The following AFF3 variants were observed in gnomAD, a reference collection of about 807,000 sequenced individuals.
AFF3 encodes ALF transcription elongation factor 3.
A neutral mutation model predicts 129.7 loss-of-function variants in AFF3; 32 were observed. The ratio of observed to expected loss-of-function variants is 0.25; its 90% CI spans 0.19 to 0.33. The LOEUF (loss-of-function observed/expected upper bound fraction) is 0.33. AFF3 is among the 10% of genes least tolerant of loss of function. AFF3 has a pLI of 1.00. For missense variants in AFF3, 1,373 were observed against 1,592.0 expected, an observed-to-expected ratio of 0.86 and a Z score of 2.34; for synonymous variants, 644 against 635.4, an observed-to-expected ratio of 1.01 and a Z score of -0.20.
chr2:99,673,294 A>G (rs1318870379), intron 11 of AFF3, among the ~76,000 whole-genome samples: 1 of 152,064 alleles, frequency 6.6e-6, no homozygotes, highest in Non-Finnish European at 1.5e-5. Flanking sequence ...CCAAGATCCT[A>G]CCTAGTGGGG....
At chr2:99,653,130 T>C (rs768930839) in intron 12 of AFF3, among the ~76,000 whole-genome samples, 1 of 152,240 alleles carries the variant, frequency 6.6e-6, no homozygotes, top group Non-Finnish European at 1.5e-5. Flanking sequence ...CTCAGCAAGA[T>C]GGCTTTCGCT....
intron 7 of AFF3, among the ~76,000 whole-genome samples, chr2:100,003,981 A>T (rs1350733573): frequency 1.3e-5 from 1 of 79,222 alleles, no homozygotes; most frequent in African/African-American, 1.1e-4. Context: ...ATCTTACACT[A>T]AAAAAAAAAA....
intron 14 of AFF3, among the ~76,000 whole-genome samples, chr2:99,599,695 CACAA>C (rs1314718533): frequency 6.6e-6 from 1 of 152,212 alleles, no homozygotes; most frequent in Non-Finnish European, 1.5e-5. Context: ...TCTTCACAGA[CACAA>C]ACAGTTTTTG....
At position 99,549,616 on chromosome 2, in the gene AFF3, C is replaced by G. The variant is rs192236125; in HGVS notation, c.*1858G>C. On this transcript the variant is annotated 3_prime_UTR_variant, in exon 25 of 25. Coordinates refer to ENST00000672756, the MANE Select transcript of AFF3 (RefSeq NM_001386135.1). Reference sequence around the variant, plus strand: ...AAGTGAAAGGGTTGTAAGAAGCACCCCAGTTGGAGACATGTAAAATGGAAA... The same window carrying G: ...AAGTGAAAGGGTTGTAAGAAGCACCGCAGTTGGAGACATGTAAAATGGAAA... The G allele has an allele frequency of 9.9e-6, 2 of 202,968 alleles. No homozygotes were observed. Among genetic ancestry groups the G allele is most frequent in the African/African-American group, 4.6e-5 (2 of 43,794 alleles). The allele number at this position is 202,968 out of a possible 1,614,324, so 12.6% of individuals were successfully genotyped here.
intron 11 of AFF3, among the ~76,000 whole-genome samples, chr2:99,725,906 A>G (rs1679327522): frequency 6.6e-6 from 1 of 152,212 alleles, no homozygotes; most frequent in Non-Finnish European, 1.5e-5. Context: ...TTCTGGTTGC[A>G]TGAATTTTTA....
chr2:100,023,906 G>A (rs774527074), intron 4 of AFF3, among the ~76,000 whole-genome samples: 1 of 152,184 alleles, frequency 6.6e-6, no homozygotes, highest in Non-Finnish European at 1.5e-5. Context: ...ACCAGCAATA[G>A]CATATTTAGG....
At chr2:99,856,258 A>C (rs1019026272) in intron 7 of AFF3, among the ~76,000 whole-genome samples, 1 of 152,230 alleles carries the variant, frequency 6.6e-6, no homozygotes, top group Non-Finnish European at 1.5e-5. Context: ...ATACTAATAT[A>C]AGATGTTAAC....
chr2:99,598,979 C>T (rs750929623), intron 14 of AFF3, among the ~76,000 whole-genome samples: 6 of 152,362 alleles, frequency 3.9e-5, no homozygotes, highest in South Asian at 2.1e-4. Context: ...AAAGAACGAA[C>T]GTGCAGCCTG....
chr2:99,773,284 C>G (rs1267359856), intron 8 of AFF3, among the ~76,000 whole-genome samples: 1 of 152,196 alleles, frequency 6.6e-6, no homozygotes, highest in Non-Finnish European at 1.5e-5. Flanking sequence ...CAGTGTCAAG[C>G]TTAGCCAGGT....
intron 7 of AFF3, among the ~76,000 whole-genome samples, chr2:99,913,580 C>T (rs1695252261): frequency 2.0e-5 from 3 of 152,194 alleles, no homozygotes; most frequent in Admixed American, 2.0e-4. Context: ...ACACACAACA[C>T]TTAAGTAGTA....
At chr2:100,030,338 C>A (rs889019210) in intron 4 of AFF3, among the ~76,000 whole-genome samples, 3 of 151,980 alleles carry the variant, frequency 2.0e-5, no homozygotes, top group African/African-American at 7.2e-5. Context: ...AACGAGATAC[C>A]GCTACACACC....
intron 8 of AFF3, among the ~76,000 whole-genome samples, chr2:99,813,062 C>T (rs1016241609): frequency 4.6e-5 from 7 of 151,988 alleles, no homozygotes; most frequent in Non-Finnish European, 8.8e-5. Flanking sequence ...CAGGAAATAC[C>T]GACACAGTTT....
intron 20 of AFF3, among the ~76,000 whole-genome samples, 194 bp from the exon 21 acceptor site, chr2:99,560,630 C>G (rs756225583): frequency 6.6e-6 from 1 of 152,210 alleles, no homozygotes; most frequent in Non-Finnish European, 1.5e-5. Context: ...TATTACATTA[C>G]TGTGATGACT....
intron 7 of AFF3, among the ~76,000 whole-genome samples, chr2:99,970,657 A>T (rs144070168): frequency 1.2e-4 from 19 of 152,192 alleles, no homozygotes; most frequent in African/African-American, 4.6e-4. Context: ...CCCTTCCTGC[A>T]CGTCCAAGCC....
At chr2:100,133,426 C>T (rs954153128) in intron 1 of AFF3, among the ~76,000 whole-genome samples, 3 of 152,010 alleles carry the variant, frequency 2.0e-5, no homozygotes, top group Admixed American at 6.5e-5. Context: ...AGTCATACTA[C>T]ACATACTACT....
chr2:99,962,944 A>G lies in AFF3; in HGVS notation c.873+43688T>C, dbSNP rs527338121. Among the ~76,000 whole-genome samples the G allele has an allele frequency of 1.1e-4, 16 of 151,238 alleles. No individual in the cohort carries two copies. In the South Asian group the frequency reaches 3.3e-3, roughly 32 times the overall value. ...AAGAAATAAACTCACAGATTGACGAAATCCAAATAGGATAAACAAACCCAA... is the reference window on the plus strand; with the variant it reads ...AAGAAATAAACTCACAGATTGACGAGATCCAAATAGGATAAACAAACCCAA... On this transcript the variant is annotated intron_variant, in intron 7 of 24. Coordinates refer to ENST00000672756, the MANE Select transcript of AFF3 (RefSeq NM_001386135.1).
intron 8 of AFF3, among the ~76,000 whole-genome samples, chr2:99,819,073 T>C (rs1250297431): frequency 6.6e-6 from 1 of 152,248 alleles, no homozygotes; most frequent in Non-Finnish European, 1.5e-5. Flanking sequence ...TTACCTGGCG[T>C]ATGCACCTAA....
intron 10 of AFF3, among the ~76,000 whole-genome samples, chr2:99,731,348 C>T (rs962950342): frequency 5.9e-5 from 9 of 152,052 alleles, no homozygotes; most frequent in African/African-American, 1.7e-4. Flanking sequence ...TAATAGTCTC[C>T]CCTCCCTTAT....
At position 100,084,575 on chromosome 2, in the gene AFF3, C is replaced by A. The variant is rs1194211473; in HGVS notation, c.53+19827G>T. Among the ~76,000 whole-genome samples, 4 of 152,088 alleles carry A rather than the reference C, an allele frequency of 2.6e-5. No individual in the cohort carries two copies. The East Asian group carries it at 5.8e-4, about 22-fold the overall frequency. ...CAGTTCGACAGTGAAATGAACACAA[C>A]CAGACTTGATCATTACACGTCGTAT... On this transcript the variant is annotated intron_variant, in intron 4 of 24. Transcript: ENST00000672756.
Sources: gnomAD v4.1 joint callset for allele counts (sites outside exome capture counted in the v4.1 genomes callset) on GRCh38, gnomAD v4.1.1 for gene constraint, MANE v1.5 for transcripts, NCBI Gene and HGNC (gene_info 2026-07-23, HGNC 2026-07-21) for gene names.